Variants in IL1RAPL2 observed in about 807,000 individuals in gnomAD.
IL1RAPL2 encodes interleukin 1 receptor accessory protein like 2, also known as X-linked interleukin-1 receptor accessory protein-like 2.
Under a neutral mutation model 44.1 loss-of-function variants are expected in IL1RAPL2, and 3 were observed. That is an observed-to-expected ratio of 0.07 (90% confidence interval 0.03 to 0.18). The LOEUF (loss-of-function observed/expected upper bound fraction) is 0.18, where lower values mean the gene tolerates loss of function less well. Ranked by LOEUF, IL1RAPL2 falls within the 10% of genes least tolerant of loss-of-function variation. IL1RAPL2 has a pLI of 1.00. For missense variants in IL1RAPL2, 391 were observed against 496.4 expected (o/e 0.79, Z 2.02); for synonymous variants, 181 against 178.8 (o/e 1.01, Z -0.10).
intron 2 of IL1RAPL2, among the ~76,000 whole-genome samples, chrX:104,965,919 G>A (rs2030112092): frequency 9.1e-6 from 1 of 110,044 alleles, no homozygotes; most frequent in Non-Finnish European, 1.9e-5. Context: ...AAAATAAAAT[G>A]AAAAGATTTA....
intron 2 of IL1RAPL2, among the ~76,000 whole-genome samples, chrX:105,154,583 A>C (rs1036174686): frequency 1.8e-5 from 2 of 109,465 alleles, no homozygotes; most frequent in Non-Finnish European, 3.8e-5. Flanking sequence ...CTCCTAATAG[A>C]ATCAGAGTTG....
intron 2 of IL1RAPL2, among the ~76,000 whole-genome samples, chrX:104,876,266 G>A (rs1922896903): frequency 9.0e-6 from 1 of 111,370 alleles, no homozygotes; most frequent in South Asian, 3.8e-4. Flanking sequence ...ACCCTCTGAA[G>A]GCATTTAGCA....
chrX:105,337,036 C>A (rs954774927), intron 5 of IL1RAPL2, among the ~76,000 whole-genome samples: 1 of 111,637 alleles, frequency 9.0e-6, no homozygotes, highest in Non-Finnish European at 1.9e-5. Flanking sequence ...TGACAGCCTG[C>A]AGGCCATATG....
At chrX:104,841,999 A>G (rs368435348) in intron 2 of IL1RAPL2, among the ~76,000 whole-genome samples, 1 of 110,200 alleles carries the variant, frequency 9.1e-6, no homozygotes, top group African/African-American at 3.3e-5. Flanking sequence ...ACTTGCTTCA[A>G]TTCCCCCCCT....
At chrX:105,028,128 C>G (rs920461368) in intron 2 of IL1RAPL2, among the ~76,000 whole-genome samples, 6 of 110,854 alleles carry the variant, frequency 5.4e-5, no homozygotes, top group African/African-American at 2.0e-4. Context: ...AAAATGAAAA[C>G]AACTGAACTC....
At chrX:104,911,096 G>GA (rs1338121143) in intron 2 of IL1RAPL2, among the ~76,000 whole-genome samples, 2 of 111,451 alleles carry the variant, frequency 1.8e-5, no homozygotes, top group African/African-American at 6.5e-5. Flanking sequence ...AGAAAAATTA[G>GA]AAAACCTTCA....
intron 2 of IL1RAPL2, among the ~76,000 whole-genome samples, chrX:104,980,325 T>A (rs968165664): frequency 1.8e-5 from 2 of 111,945 alleles, no homozygotes; most frequent in Admixed American, 9.5e-5. Context: ...AAATAGAGAA[T>A]GGTCATCTCT....
At chrX:105,032,858 T>C (rs994045477) in intron 2 of IL1RAPL2, among the ~76,000 whole-genome samples, 1 of 111,069 alleles carries the variant, frequency 9.0e-6, no homozygotes, top group Non-Finnish European at 1.9e-5. Context: ...TGTGTGGGAG[T>C]CTAAGTCTCT....
rs567353002 is a variant in IL1RAPL2, at chrX:104,976,595, A to G, written c.83-218880A>G. On this transcript the variant is annotated intron_variant, in intron 2 of 10. Transcript: ENST00000372582. Reference sequence around the variant, plus strand: ...ATGGGCCTCCAACCCATAATACTGGAAGGAATGCCAATGCCAAAACCCTGG... The same window carrying G: ...ATGGGCCTCCAACCCATAATACTGGGAGGAATGCCAATGCCAAAACCCTGG... Among the ~76,000 whole-genome samples, 4 of 111,803 alleles carry G rather than the reference A, an allele frequency of 3.6e-5. No individual in the cohort carries two copies. In the South Asian group the frequency reaches 1.5e-3, roughly 42 times the overall value.
At chrX:105,434,140 G>T (rs1029409378) in intron 5 of IL1RAPL2, among the ~76,000 whole-genome samples, 2 of 111,869 alleles carry the variant, frequency 1.8e-5, no homozygotes, top group African/African-American at 6.5e-5. Flanking sequence ...AATATTTCTA[G>T]TCATTAGAGA....
intron 2 of IL1RAPL2, among the ~76,000 whole-genome samples, chrX:104,664,771 T>C (rs1162126384): frequency 9.0e-6 from 1 of 111,645 alleles, no homozygotes; most frequent in Non-Finnish European, 1.9e-5. Flanking sequence ...CCAATTCAAA[T>C]CCAGCATCAC....
At chrX:104,892,708 G>C (rs185382181) in intron 2 of IL1RAPL2, among the ~76,000 whole-genome samples, 12 of 110,774 alleles carry the variant, frequency 1.1e-4, no homozygotes, top group African/African-American at 3.9e-4. Context: ...TCTTGCTAGC[G>C]GTCTATCAGT....
At chrX:105,097,318 C>T (rs1001791253) in intron 2 of IL1RAPL2, among the ~76,000 whole-genome samples, 1 of 72,661 alleles carries the variant, frequency 1.4e-5, no homozygotes, top group South Asian at 7.9e-4. Flanking sequence ...CAGAGCGAGA[C>T]TCAGTGTCAG....
chrX:105,429,507 C>A (rs1024534410), intron 5 of IL1RAPL2, among the ~76,000 whole-genome samples: 4 of 111,974 alleles, frequency 3.6e-5, no homozygotes, highest in African/African-American at 1.3e-4. Context: ...ATACAAAAAA[C>A]AGTCTCATTC....
At chrX:105,654,049 G>T (rs757373959) in intron 6 of IL1RAPL2, among the ~76,000 whole-genome samples, 8 of 110,605 alleles carry the variant, frequency 7.2e-5, no homozygotes, top group Non-Finnish European at 1.3e-4. Flanking sequence ...CTTCAAAAGT[G>T]CCCAACTTGA....
At chrX:104,598,109 C>T (rs1211069020) in intron 1 of IL1RAPL2, among the ~76,000 whole-genome samples, 3 of 112,022 alleles carry the variant, frequency 2.7e-5, no homozygotes, top group African/African-American at 9.7e-5. Context: ...ATAGTTAATT[C>T]TTCTGGATTA....
At chrX:104,793,486 T>C (rs1034437782) in intron 2 of IL1RAPL2, among the ~76,000 whole-genome samples, 4 of 112,151 alleles carry the variant, frequency 3.6e-5, no homozygotes, top group African/African-American at 1.3e-4. Flanking sequence ...CTACTCAAAG[T>C]ATACAAGCAA....
intron 2 of IL1RAPL2, among the ~76,000 whole-genome samples, chrX:105,140,690 T>G (rs1278092695): frequency 6.2e-5 from 7 of 112,763 alleles, no homozygotes; most frequent in Non-Finnish European, 1.3e-4. Flanking sequence ...ATTTTTCAGC[T>G]AGGTGTTTGA....
At position 105,070,729 on chromosome X, in the gene IL1RAPL2, ATGTG is replaced by A. The variant is rs746238792; in HGVS notation, c.83-124724_83-124721del. ...AATAAAAAAATATATATATATATTT[ATGTG>A]TGTGTGTGTGTGTGTGTGTGTTCAC... On this transcript the variant is annotated intron_variant, in intron 2 of 10. Transcript: ENST00000372582. Among the ~76,000 whole-genome samples the A allele has an allele frequency of 4.2e-3, 441 of 104,797 alleles. 1 individual carries two copies. The highest frequency in any genetic ancestry group is 6.4e-3 in the Non-Finnish European group (325 of 50,998). 91.0% of individuals were successfully genotyped at this position (104,797 alleles called of 115,157 possible). A position where few individuals can be genotyped will look rare whatever the true frequency, so the allele number is the denominator to read the frequency against.
Sources: gnomAD v4.1 joint callset for allele counts (sites outside exome capture counted in the v4.1 genomes callset) on GRCh38, gnomAD v4.1.1 for gene constraint, MANE v1.5 for transcripts, NCBI Gene and HGNC (gene_info 2026-07-23, HGNC 2026-07-21) for gene names.